Variants in USP6NL observed in about 807,000 individuals in gnomAD.
USP6NL encodes USP6 N-terminal like.
Under a neutral mutation model 61.9 loss-of-function variants are expected in USP6NL, and 26 were observed. That is an observed-to-expected ratio of 0.42 (90% CI 0.31 to 0.58). USP6NL has a LOEUF of 0.58. Ranked by LOEUF, USP6NL falls within the 20% of genes least tolerant of loss-of-function variation. The probability of loss-of-function intolerance (pLI) is 0.16; values close to 1 mark genes in which losing one functional copy is unlikely to be tolerated. For missense variants in USP6NL, 1,114 were observed against 1,034.3 expected (o/e 1.08, Z -1.06); for synonymous variants, 432 against 390.1 (o/e 1.11, Z -1.27).
rs561219962 is a variant in USP6NL at position 11,513,849 on chromosome 10, G to A, written c.196-4174C>T. Among the ~76,000 whole-genome samples, 9 of 152,186 alleles carry A rather than the reference G, an allele frequency of 5.9e-5. No individual in the cohort carries two copies. In the Middle Eastern group the frequency reaches 0.01, roughly 173 times the overall value. ...CAACTCGGAATCCAATCATGCATTC[G>A]GCATTGCCTTTGCTGGCAGGTCCCC... is the stretch of plus-strand genomic sequence containing the variant. On this transcript the variant is annotated intron_variant, in intron 5 of 14. Transcript: ENST00000609104. This position sits in a 1 kb window ranked among gnomAD's most constrained non-coding sequence, Gnocchi z 4.7.
chr10:11,542,118 T>C (rs1836090089), intron 2 of USP6NL, among the ~76,000 whole-genome samples: 1 of 152,162 alleles, frequency 6.6e-6, no homozygotes, highest in Admixed American at 6.5e-5. Context: ...AGATGAAGAA[T>C]ATAAAGACCA....
intron 2 of USP6NL, among the ~76,000 whole-genome samples, chr10:11,544,222 C>T (rs184602986): frequency 1.5e-3 from 220 of 151,650 alleles, no homozygotes; most frequent in African/African-American, 5.1e-3. Context: ...TTTTACATAG[C>T]AGTCAAAGAG....
rs1434429008 is a variant in USP6NL, at chr10:11,598,767, T to C, written c.-83-1050A>G. 2.0e-5 allele frequency among the ~76,000 whole-genome samples: 3 copies of C among 152,252 alleles called. No individual in the cohort carries two copies. The highest frequency in any genetic ancestry group is 2.9e-5 in the Non-Finnish European group (2 of 68,038). On this transcript the variant is annotated intron_variant, in intron 1 of 14. Coordinates refer to ENST00000609104, the MANE Select transcript of USP6NL (RefSeq NM_014688.5). This position sits in a 1 kb window ranked among gnomAD's most constrained non-coding sequence, Gnocchi z 4.7. ...AGAATCAAAGTTAGGGAAATACTTT[T>C]TGAAGAAATACTGCTTGCCACATCT...
chr10:11,488,328 G>A (rs575932716), intron 10 of USP6NL, among the ~76,000 whole-genome samples: 41 of 152,286 alleles, frequency 2.7e-4, no homozygotes, highest in African/African-American at 9.6e-4. Context: ...TGAGGCGGGA[G>A]GATGGCTTGA....
chr10:11,483,041 A>G (rs1833269979), intron 13 of USP6NL, among the ~76,000 whole-genome samples: 1 of 152,244 alleles, frequency 6.6e-6, no homozygotes, highest in Non-Finnish European at 1.5e-5. Flanking sequence ...GTACATTATT[A>G]TAAATTATAG....
chr10:11,523,164 G>T (rs143798667), intron 4 of USP6NL, among the ~76,000 whole-genome samples: 9 of 152,292 alleles, frequency 5.9e-5, no homozygotes, highest in African/African-American at 2.2e-4. Context: ...AAATACAAAA[G>T]AACTGATTGC....
chr10:11,544,226 CAA>C (rs1393550077), intron 2 of USP6NL, among the ~76,000 whole-genome samples: 1 of 148,632 alleles, frequency 6.7e-6, no homozygotes, highest in Non-Finnish European at 1.5e-5. Flanking sequence ...ACATAGCAGT[CAA>C]AGAGTTAAAC....
rs1430751991 is a variant in USP6NL at position 11,482,914 on chromosome 10, A to ATATG, written c.926-996_926-993dup. 6.6e-6 allele frequency among the ~76,000 whole-genome samples: 1 copy of ATATG among 152,224 alleles called. No homozygotes were observed. Among genetic ancestry groups the ATATG allele is most frequent in the East Asian group, 1.9e-4 (1 of 5,208 alleles). ...TATCTGTGGTAGACAATGTTTTGAT[A>ATATG]TATGTATACACTGTGGAATGACTAA... On this transcript the variant is annotated intron_variant, in intron 13 of 14. Coordinates refer to ENST00000609104, the MANE Select transcript of USP6NL (RefSeq NM_014688.5). The surrounding 1 kb of genome is among the most constrained non-coding windows in gnomAD (Gnocchi z 4.0).
At chr10:11,550,200 C>T (rs969307105) in intron 2 of USP6NL, among the ~76,000 whole-genome samples, 3 of 152,080 alleles carry the variant, frequency 2.0e-5, no homozygotes, top group African/African-American at 7.2e-5. Flanking sequence ...AGGAGATAAT[C>T]TCGATGATAC....
chr10:11,586,249 G>A (rs2133624397), intron 2 of USP6NL, among the ~76,000 whole-genome samples: 2 of 152,098 alleles, frequency 1.3e-5, no homozygotes, highest in East Asian at 3.9e-4. Context: ...TTTCCAGAAA[G>A]GCAAAATAAT....
chr10:11,510,698 T>C lies in USP6NL; in HGVS notation c.196-1023A>G, dbSNP rs1834670720. Among the ~76,000 whole-genome samples, 1 of 152,222 alleles carries C rather than the reference T, an allele frequency of 6.6e-6. No homozygotes were observed. The highest frequency in any genetic ancestry group is 1.5e-5 in the Non-Finnish European group (1 of 68,036). On this transcript the variant is annotated intron_variant, in intron 5 of 14. Transcript: ENST00000609104. This position sits in a 1 kb window ranked among gnomAD's most constrained non-coding sequence, Gnocchi z 4.8. ...CAAGTCTACTCAGAAAAGAAAATCA[T>C]TCTGAGGATACATTTTATACTCAAG... is the stretch of plus-strand genomic sequence containing the variant.
chr10:11,461,608 C>G lies in USP6NL; in HGVS notation c.*833G>C, dbSNP rs1250283752. On this transcript the variant is annotated 3_prime_UTR_variant, in exon 15 of 15. Coordinates refer to ENST00000609104, the MANE Select transcript of USP6NL (RefSeq NM_014688.5). ...GCAACTTCTCCTGCTCTGAGATTCG[C>G]AAGAGTCAGACCAGAACAAAGGGCA... 2 of 152,232 alleles carry G rather than the reference C, an allele frequency of 1.3e-5. No individual in the cohort carries two copies. Among genetic ancestry groups the G allele is most frequent in the Non-Finnish European group, 2.9e-5 (2 of 68,060 alleles). 9.4% of individuals were successfully genotyped at this position (152,232 alleles called of 1,614,324 possible).
intron 2 of USP6NL, among the ~76,000 whole-genome samples, chr10:11,544,728 A>T (rs780193821): frequency 5.3e-5 from 8 of 152,072 alleles, no homozygotes; most frequent in Non-Finnish European, 8.8e-5. Context: ...ACCTCACGTG[A>T]TCCACCCGCC....
intron 14 of USP6NL, among the ~76,000 whole-genome samples, chr10:11,467,823 TCTG>T (rs1370088627): frequency 6.6e-6 from 1 of 152,246 alleles, no homozygotes; most frequent in African/African-American, 2.4e-5. Context: ...ACATATTTTT[TCTG>T]CTGTAAACAT....
chr10:11,462,350 A>G lies in USP6NL; in HGVS notation c.*91T>C, dbSNP rs1449299359. The G allele has an allele frequency of 1.8e-5, 25 of 1,409,930 alleles. No homozygotes were observed. The highest frequency in any genetic ancestry group is 2.4e-5 in the Non-Finnish European group (25 of 1,053,088). 87.3% of individuals were successfully genotyped at this position (1,409,930 alleles called of 1,614,324 possible). Reference sequence around the variant, plus strand: ...CAGGAGAGATGTGCGAGTTGTTTACAATAGTATAAATACTGCTTTGGCAAT... The same window carrying G: ...CAGGAGAGATGTGCGAGTTGTTTACGATAGTATAAATACTGCTTTGGCAAT... On this transcript the variant is annotated 3_prime_UTR_variant, in exon 15 of 15. Transcript: ENST00000609104.
At chr10:11,605,407 G>A (rs1400800232) in intron 1 of USP6NL, among the ~76,000 whole-genome samples, 3 of 152,176 alleles carry the variant, frequency 2.0e-5, no homozygotes, top group African/African-American at 4.8e-5. Flanking sequence ...GATCCCAAGT[G>A]TCTGGCAAAA....
rs1588403108 is a variant in USP6NL, at chr10:11,575,621, T to C, written c.4+22010A>G. 6.6e-6 allele frequency among the ~76,000 whole-genome samples: 1 copy of C among 152,202 alleles called. No homozygotes were observed. The highest frequency in any genetic ancestry group is 1.5e-5 in the Non-Finnish European group (1 of 68,038). On this transcript the variant is annotated intron_variant, in intron 2 of 14. Coordinates refer to ENST00000609104, the MANE Select transcript of USP6NL (RefSeq NM_014688.5). The surrounding 1 kb of genome is among the most constrained non-coding windows in gnomAD (Gnocchi z 4.2). ...CTGGTATTATCACTGGTTTTGAAAA[T>C]GAAAATCACATAGCAATCACTTTGA... is the stretch of plus-strand genomic sequence containing the variant.
rs187190796 is a variant in USP6NL at position 11,608,532 on chromosome 10, T to A, written c.-84+2911A>T. Among the ~76,000 whole-genome samples, 879 of 152,316 alleles carry A rather than the reference T, an allele frequency of 5.8e-3. 4 individuals are homozygous for A. The highest frequency in any genetic ancestry group is 9.1e-3 in the Non-Finnish European group (616 of 68,026). On this transcript the variant is annotated intron_variant, in intron 1 of 14. Transcript: ENST00000609104. The stretch of plus-strand genomic sequence containing the variant: ...CCTCAAAGTTTCCCACACACCCGCC[T>A]CTTTTTTTCAGCCAGCTATCTCTGC...
Position 11,600,558 on chromosome 10 carries a change from T to C in USP6NL, c.-83-2841A>G, listed in dbSNP as rs911691420. Reference sequence around the variant, plus strand: ...CTAATACAGACAGTAAAGATAGTAATTTTAAATTCAAATTTAAAAATTTTC... The same window carrying C: ...CTAATACAGACAGTAAAGATAGTAACTTTAAATTCAAATTTAAAAATTTTC... On this transcript the variant is annotated intron_variant, in intron 1 of 14. Transcript: ENST00000609104. The surrounding 1 kb of genome is among the most constrained non-coding windows in gnomAD (Gnocchi z 4.1). Among the ~76,000 whole-genome samples the C allele has an allele frequency of 2.0e-5, 3 of 152,238 alleles. No homozygotes were observed. Among genetic ancestry groups the C allele is most frequent in the African/African-American group, 7.2e-5 (3 of 41,460 alleles).
Sources: allele counts gnomAD v4.1 joint callset (sites outside exome capture counted in the v4.1 genomes callset), GRCh38; gene constraint gnomAD v4.1.1; non-coding constraint Gnocchi (gnomAD v3.1); transcripts MANE v1.5; gene names NCBI Gene and HGNC (gene_info 2026-07-23, HGNC 2026-07-21).